Variants in MYO5A observed in about 807,000 individuals in gnomAD.
MYO5A encodes myosin VA.
Under a neutral mutation model 249.7 loss-of-function variants are expected in MYO5A, and 98 were observed. The ratio of observed to expected loss-of-function variants is 0.39; its 90% CI spans 0.33 to 0.46. The LOEUF (loss-of-function observed/expected upper bound fraction) is 0.46, where lower values mean the gene tolerates loss of function less well. Ranked by LOEUF, MYO5A falls within the 20% of genes least tolerant of loss-of-function variation. MYO5A has a pLI of 0.98. For missense variants in MYO5A, 1,696 were observed against 2,308.8 expected (o/e 0.73, Z 5.44); for synonymous variants, 778 against 810.6 (o/e 0.96, Z 0.68).
chr15:52,321,169 A>C (rs767723474), intron 38 of MYO5A, among the ~76,000 whole-genome samples, 190 bp downstream of exon 38: 1 of 152,262 alleles, frequency 6.6e-6, no homozygotes, highest in Non-Finnish European at 1.5e-5. Flanking sequence ...TTGTGGAAAC[A>C]GTGATTTCGA....
In MYO5A at chr15:52,370,238, C is replaced by T. The variant is rs1189969618; in HGVS notation, c.2997G>A (p.Leu999=). Residue 999 remains leucine (L), a synonymous_variant, in exon 22 of 42, where the codon CTG becomes CTA. Coordinates refer to ENST00000399233, the MANE Select transcript of MYO5A (RefSeq NM_001382347.1). ...ATTTTTTCTCTGAACGAGTTTGCTCCAGGTCTTTCCGGAGCTTGGCAATTT... is the reference window on the plus strand; with the variant it reads ...ATTTTTTCTCTGAACGAGTTTGCTCTAGGTCTTTCCGGAGCTTGGCAATTT... The part of the protein sequence containing the change: ...QEEIAKLRKD[L]EQTRSEKKCI... The T allele has an allele frequency of 1.9e-6, 3 of 1,613,970 alleles. No homozygotes were observed. Among genetic ancestry groups the T allele is most frequent in the African/African-American group, 1.3e-5 (1 of 74,906 alleles).
chr15:52,484,237 T>A (rs1025135293), intron 1 of MYO5A, among the ~76,000 whole-genome samples: 3 of 152,216 alleles, frequency 2.0e-5, no homozygotes, highest in Admixed American at 6.5e-5. Flanking sequence ...TACATTTTCC[T>A]GAAAATATAT....
rs774580375 is a variant in MYO5A at position 52,406,143 on chromosome 15, A to G, written c.947-750T>C. Among the ~76,000 whole-genome samples, 28 of 152,218 alleles carry G rather than the reference A, an allele frequency of 1.8e-4. 1 individual carries two copies. The highest frequency in any genetic ancestry group is 5.9e-4 in the Admixed American group (9 of 15,280). On this transcript the variant is annotated intron_variant, in intron 8 of 41. Transcript: ENST00000399233. ...TAAATAACATAAGAATCTCCAGAAA[A>G]TTAGCTATAATTACATGCAAATAGA...
At chr15:52,342,910 C>T (rs976871523) in intron 31 of MYO5A, among the ~76,000 whole-genome samples, 16 of 150,780 alleles carry the variant, frequency 1.1e-4, no homozygotes, top group Non-Finnish European at 1.5e-5. Context: ...AGTGAGACTC[C>T]GTCTAAAAAA....
intron 40 of MYO5A, 28 bp from the exon 41 acceptor site, chr15:52,314,231 T>G: frequency 1.3e-6 from 2 of 1,536,624 alleles, no homozygotes; most frequent in Non-Finnish European, 1.8e-6. Context: ...ATCAAAGTTT[T>G]TGGCATATTA....
Position 52,487,820 on chromosome 15 carries a change from C to T in MYO5A, c.27+40960G>A, listed in dbSNP as rs191089968. On this transcript the variant is annotated intron_variant, in intron 1 of 41. Coordinates refer to ENST00000399233, the MANE Select transcript of MYO5A (RefSeq NM_001382347.1). The stretch of plus-strand genomic sequence containing the variant: ...AAGGAAACCAGCATACTTGTACGGC[C>T]GGCGTTCCTGATGCCCCTCACTCAC... Among the ~76,000 whole-genome samples the T allele has an allele frequency of 1.5e-4, 23 of 152,142 alleles. No homozygotes were observed. The East Asian group carries it at 4.2e-3, about 28-fold the overall frequency.
At chr15:52,438,991 C>T (rs2075727678) in intron 1 of MYO5A, among the ~76,000 whole-genome samples, 1 of 152,234 alleles carries the variant, frequency 6.6e-6, no homozygotes, top group African/African-American at 2.4e-5. Flanking sequence ...ACAGGCTTGC[C>T]ATCGTTCCTG....
chr15:52,515,067 C>A (rs1395273191), intron 1 of MYO5A, among the ~76,000 whole-genome samples: 1 of 152,108 alleles, frequency 6.6e-6, no homozygotes, highest in East Asian at 1.9e-4. Flanking sequence ...CACTTGAGCC[C>A]AGGAGTTCAA....
chr15:52,315,365 T>C (rs12593858), intron 40 of MYO5A, among the ~76,000 whole-genome samples: 8,729 of 152,064 alleles, frequency 0.057, 290 homozygotes, highest in South Asian at 0.095. Flanking sequence ...ATTAAGAAGC[T>C]GCAAGTCTTG....
intron 6 of MYO5A, 88 bp from the exon 7 acceptor site, chr15:52,408,228 A>C: frequency 1.3e-6 from 1 of 749,638 alleles, no homozygotes; most frequent in South Asian, 1.6e-5. Flanking sequence ...ATATTTAATT[A>C]TCTCAGTTGG....
chr15:52,516,868 T>C (rs115567632), intron 1 of MYO5A, among the ~76,000 whole-genome samples: 101 of 152,336 alleles, frequency 6.6e-4, no homozygotes, highest in African/African-American at 2.4e-3. Context: ...AATTATATCA[T>C]GTATAGTAAT....
intron 1 of MYO5A, among the ~76,000 whole-genome samples, chr15:52,489,038 A>G (rs927176793): frequency 3.3e-5 from 5 of 152,210 alleles, no homozygotes; most frequent in African/African-American, 1.2e-4. Flanking sequence ...TACATGCACC[A>G]TTAGACCAAA....
At chr15:52,447,379 C>G (rs896565425) in intron 1 of MYO5A, among the ~76,000 whole-genome samples, 1 of 152,272 alleles carries the variant, frequency 6.6e-6, no homozygotes, top group East Asian at 1.9e-4. Flanking sequence ...GCCTCCCCAG[C>G]CATGGTTTCT....
intron 1 of MYO5A, among the ~76,000 whole-genome samples, chr15:52,466,754 C>G (rs78344076): frequency 1.3e-5 from 2 of 152,184 alleles, no homozygotes; most frequent in African/African-American, 2.4e-5. Flanking sequence ...CTTTGCCCCC[C>G]ACTCCAAGAT....
chr15:52,312,391 C>T lies in MYO5A; in HGVS notation c.*1305G>A, dbSNP rs1410911377. ...ATTCTTTTTTTTTCCAAGGCAGTGT[C>T]TCTCTCTGTCACCCAGGCTGGAGTG... On this transcript the variant is annotated 3_prime_UTR_variant, in exon 42 of 42. Coordinates refer to ENST00000399233, the MANE Select transcript of MYO5A (RefSeq NM_001382347.1). 4 of 152,068 alleles carry T rather than the reference C, an allele frequency of 2.6e-5. No homozygotes were observed. Among genetic ancestry groups the T allele is most frequent in the Non-Finnish European group, 5.9e-5 (4 of 68,018 alleles). 9.4% of individuals were successfully genotyped at this position (152,068 alleles called of 1,614,324 possible).
chr15:52,332,350 A>G (rs1180797540), intron 34 of MYO5A, among the ~76,000 whole-genome samples: 3 of 152,210 alleles, frequency 2.0e-5, no homozygotes, highest in Non-Finnish European at 4.4e-5. Flanking sequence ...CCCATCAACA[A>G]TTGTAAGATA....
chr15:52,360,048 A>T lies in MYO5A; in HGVS notation c.3343T>A (p.Ser1115Thr). Residue 1115 changes from serine to threonine, a missense_variant, in exon 25 of 42, where the codon TCC (serine) becomes ACC (threonine). By Grantham distance (58) the Ser-to-Thr change is moderately conservative. Transcript: ENST00000399233. ...TCAGACTCGTTGCTGCTGTGGGTGG[A>T]GTCTGTTCTCTTGTGTCCAGGCTTA... ...VPKPGHKRTDSTHSSNESEYI... is the reference protein window; with the variant it reads ...VPKPGHKRTDTTHSSNESEYI... 6.2e-7 allele frequency: 1 copy of T among 1,613,650 alleles called. No individual in the cohort carries two copies. The highest frequency in any genetic ancestry group is 2.2e-5 in the East Asian group (1 of 44,868).
chr15:52,472,883 C>T (rs935557226), intron 1 of MYO5A, among the ~76,000 whole-genome samples: 2 of 152,136 alleles, frequency 1.3e-5, no homozygotes, highest in Non-Finnish European at 2.9e-5. Flanking sequence ...AGCAGCATGA[C>T]TTATAATCCT....
chr15:52,349,264 G>A (rs992106826), intron 28 of MYO5A, among the ~76,000 whole-genome samples: 5 of 152,164 alleles, frequency 3.3e-5, no homozygotes, highest in African/African-American at 1.2e-4. Context: ...AGACCTGCCT[G>A]GGCTGGATCA....
Sources: allele counts gnomAD v4.1 joint callset (sites outside exome capture counted in the v4.1 genomes callset), GRCh38; gene constraint gnomAD v4.1.1; transcripts MANE v1.5; gene names NCBI Gene and HGNC (gene_info 2026-07-23, HGNC 2026-07-21).